SHISA9: variants seen among roughly 807,000 people sequenced by gnomAD.
SHISA9 encodes protein shisa-9.
SHISA9 carries 13 observed loss-of-function variants against 38.0 expected under a neutral mutation model. That is an observed-to-expected ratio of 0.34 (90% CI 0.22 to 0.54). SHISA9 has a LOEUF of 0.54. Ranked by LOEUF, SHISA9 falls within the 20% of genes least tolerant of loss-of-function variation. SHISA9 has a pLI of 0.91. For missense variants in SHISA9, 538 were observed against 575.8 expected (o/e 0.93, Z 0.67); for synonymous variants, 275 against 242.0 (o/e 1.14, Z -1.27).
the SHISA9 span, among the ~76,000 whole-genome samples, chr16:13,408,503 A>G: frequency 6.6e-6 from 1 of 152,194 alleles, no homozygotes; most frequent in Non-Finnish European, 1.5e-5. Context: ...AGAATAAAAA[A>G]TAATTTTTTC....
intron 2 of SHISA9, among the ~76,000 whole-genome samples, chr16:13,112,479 G>GA (rs1370702616): frequency 2.6e-5 from 4 of 152,054 alleles, no homozygotes; most frequent in African/African-American, 9.7e-5. Flanking sequence ...TTATGCCTTG[G>GA]AATCTCTCAA....
chr16:13,423,171 A>C, the SHISA9 span, among the ~76,000 whole-genome samples: 6 of 152,226 alleles, frequency 3.9e-5, no homozygotes, highest in Non-Finnish European at 7.3e-5. Context: ...AGTGGCATCC[A>C]GGAGCCCCAG....
the SHISA9 span, among the ~76,000 whole-genome samples, chr16:13,295,885 A>G: frequency 2.0e-5 from 3 of 152,188 alleles, no homozygotes; most frequent in African/African-American, 7.2e-5. Flanking sequence ...GACTTAAAAA[A>G]ATTTCTGTCG....
intron 2 of SHISA9, among the ~76,000 whole-genome samples, chr16:13,141,110 A>G (rs1345273410): frequency 6.6e-6 from 1 of 152,126 alleles, no homozygotes; most frequent in Non-Finnish European, 1.5e-5. Context: ...AGGACAAAGA[A>G]AAATTAAAGC....
intron 2 of SHISA9, among the ~76,000 whole-genome samples, chr16:13,108,335 A>G (rs1361086654): frequency 1.3e-5 from 2 of 151,898 alleles, no homozygotes; most frequent in African/African-American, 4.8e-5. Flanking sequence ...TTGTTATGTT[A>G]CTCAGCCTGG....
At chr16:13,314,409 G>A in the SHISA9 span, among the ~76,000 whole-genome samples, 1 of 151,868 alleles carries the variant, frequency 6.6e-6, no homozygotes, top group South Asian at 2.1e-4. Flanking sequence ...AGTAGTAGTA[G>A]TAGTATTTTT....
At chr16:13,367,691 TGTGCGTGC>T in the SHISA9 span, among the ~76,000 whole-genome samples, 1 of 98,636 alleles carries the variant, frequency 1.0e-5, no homozygotes, top group South Asian at 5.2e-4. Flanking sequence ...TGTACACGCG[TGTGCGTGC>T]GCGCGCGCGC....
chr16:13,158,284 A>G (rs1255535750), intron 2 of SHISA9, among the ~76,000 whole-genome samples: 7 of 152,302 alleles, frequency 4.6e-5, no homozygotes, highest in African/African-American at 7.2e-5. Flanking sequence ...CTTCCTTGCA[A>G]TGGAATTAGT....
the SHISA9 span, among the ~76,000 whole-genome samples, chr16:13,451,575 G>GTGGTCCTTCAA: frequency 1.3e-5 from 2 of 152,216 alleles, no homozygotes; most frequent in African/African-American, 4.8e-5. Flanking sequence ...CCTTCAAACT[G>GTGGTCCTTCAA]AAGATCGGAG....
At chr16:13,390,224 C>T in the SHISA9 span, among the ~76,000 whole-genome samples, 1 of 151,794 alleles carries the variant, frequency 6.6e-6, no homozygotes, top group East Asian at 1.9e-4. Context: ...CATGCATTTT[C>T]TAAAACCAGT....
At chr16:13,240,677 G>C (rs2051428354), downstream of SHISA9, among the ~76,000 whole-genome samples, 2 of 152,126 alleles carry the variant, frequency 1.3e-5, no homozygotes, top group South Asian at 2.1e-4. Flanking sequence ...TTGTTGCTAG[G>C]TTTCCTCATC....
the SHISA9 span, among the ~76,000 whole-genome samples, chr16:13,417,503 G>C: frequency 6.6e-6 from 1 of 152,218 alleles, no homozygotes; most frequent in East Asian, 1.9e-4. Context: ...CAGTTTATTT[G>C]CTTCCTCTCT....
chr16:13,374,600 A>G, the SHISA9 span, among the ~76,000 whole-genome samples: 1 of 152,120 alleles, frequency 6.6e-6, no homozygotes, highest in African/African-American at 2.4e-5. Context: ...AGTCTTTGCT[A>G]TTGTGAATAG....
chr16:13,141,077 A>G (rs1389705026), intron 2 of SHISA9, among the ~76,000 whole-genome samples: 4 of 152,216 alleles, frequency 2.6e-5, no homozygotes, highest in Non-Finnish European at 5.9e-5. Flanking sequence ...CTTATCCTTC[A>G]TAATTAATCA....
the SHISA9 span, among the ~76,000 whole-genome samples, chr16:13,475,078 T>G: frequency 6.6e-6 from 1 of 152,008 alleles, no homozygotes; most frequent in Non-Finnish European, 1.5e-5. Context: ...GGGAAAAGAA[T>G]GAAAGTAAGA....
At chr16:13,257,937 C>T in the SHISA9 span, among the ~76,000 whole-genome samples, 7 of 152,144 alleles carry the variant, frequency 4.6e-5, no homozygotes, top group African/African-American at 1.7e-4. Flanking sequence ...TGCAAGCATC[C>T]TTCGCTAAAT....
At chr16:13,300,870 C>G in the SHISA9 span, among the ~76,000 whole-genome samples, 15,072 of 146,842 alleles carry the variant, frequency 0.1, 941 homozygotes, top group South Asian at 0.22. Context: ...CCTCTCCTCT[C>G]CTCTCCTCTC....
At chr16:13,078,498 G>C (rs1422266985) in intron 2 of SHISA9, among the ~76,000 whole-genome samples, 1 of 151,928 alleles carries the variant, frequency 6.6e-6, no homozygotes, top group Non-Finnish European at 1.5e-5. Context: ...CTCTGCCCCT[G>C]GGGTTTAAGA....
chr16:13,547,413 G>A, the SHISA9 span, among the ~76,000 whole-genome samples: 1 of 152,054 alleles, frequency 6.6e-6, no homozygotes, highest in Non-Finnish European at 1.5e-5. Context: ...TATGGAGGAA[G>A]GAAAAGAAGT....
Sources: allele counts gnomAD v4.1 joint callset (sites outside exome capture counted in the v4.1 genomes callset), GRCh38; gene constraint gnomAD v4.1.1; transcripts MANE v1.5; gene names NCBI Gene and HGNC (gene_info 2026-07-23, HGNC 2026-07-21).